Variants in TRDN observed in about 807,000 individuals in gnomAD.
TRDN encodes triadin.
A neutral mutation model predicts 149.7 loss-of-function variants in TRDN; 161 were observed. The ratio of observed to expected loss-of-function variants is 1.08; its 90% CI spans 0.95 to 1.23. TRDN has a LOEUF of 1.23. Among genes scored for constraint, TRDN ranks in the 50% most tolerant of loss-of-function variants. TRDN has a pLI of 0.00. For missense variants in TRDN, 896 were observed against 823.5 expected (o/e 1.09, Z -1.08); for synonymous variants, 294 against 250.5 (o/e 1.17, Z -1.64).
At chr6:123,504,376 C>G (rs911686406) in intron 7 of TRDN, among the ~76,000 whole-genome samples, 1 of 151,982 alleles carries the variant, frequency 6.6e-6, no homozygotes, top group Non-Finnish European at 1.5e-5. Context: ...GAAATGCCAA[C>G]AAAGTCTTTT....
intron 10 of TRDN, among the ~76,000 whole-genome samples, chr6:123,456,501 C>T (rs1229304570): frequency 1.3e-5 from 2 of 151,430 alleles, no homozygotes; most frequent in African/African-American, 4.9e-5. Context: ...CAGGGCCTCA[C>T]TTTGTTACCC....
intron 38 of TRDN, among the ~76,000 whole-genome samples, chr6:123,238,390 T>TTA (rs755526551): frequency 6.6e-6 from 1 of 152,138 alleles, no homozygotes; most frequent in African/African-American, 2.4e-5. Flanking sequence ...AGTAGCAATT[T>TTA]TATACTTTGT....
chr6:123,246,629 T>A (rs1298030041), intron 38 of TRDN, among the ~76,000 whole-genome samples: 1 of 151,564 alleles, frequency 6.6e-6, no homozygotes, highest in Non-Finnish European at 1.5e-5. Context: ...CACGAGCAGA[T>A]GGATTCACAG....
intron 12 of TRDN, 50 bp downstream of exon 12, chr6:123,438,013 G>T: frequency 6.8e-7 from 1 of 1,478,748 alleles, no homozygotes; most frequent in Non-Finnish European, 9.3e-7. Context: ...CTTTCATGAA[G>T]CAAACATCCT....
chr6:123,267,655 T>C, intron 32 of TRDN, 52 bp downstream of exon 32: 3 of 1,250,700 alleles, frequency 2.4e-6, no homozygotes, highest in Non-Finnish European at 3.3e-6. Context: ...TTTTTGAATA[T>C]AATAAAAATA....
intron 38 of TRDN, among the ~76,000 whole-genome samples, chr6:123,225,885 A>C (rs1392211688): frequency 1.3e-5 from 2 of 151,750 alleles, no homozygotes; most frequent in Non-Finnish European, 2.9e-5. Context: ...ATGATGCTTT[A>C]ATTTTTAACA....
intron 1 of TRDN, among the ~76,000 whole-genome samples, chr6:123,634,035 CT>C (rs1230627753): frequency 6.6e-6 from 1 of 151,964 alleles, no homozygotes; most frequent in Non-Finnish European, 1.5e-5. Flanking sequence ...GTGCCACAAA[CT>C]GTTTTGTGTG....
At chr6:123,515,719 T>C (rs900139072) in intron 6 of TRDN, among the ~76,000 whole-genome samples, 3 of 152,036 alleles carry the variant, frequency 2.0e-5, no homozygotes, top group African/African-American at 4.8e-5. Context: ...TCTTTATGTG[T>C]TGAGCAATTA....
chr6:123,582,140 A>G (rs944497640), intron 1 of TRDN, among the ~76,000 whole-genome samples: 1 of 152,198 alleles, frequency 6.6e-6, no homozygotes, highest in Non-Finnish European at 1.5e-5. Flanking sequence ...TACCCTATAC[A>G]TTGGTTCAGT....
chr6:123,224,280 C>T, intron 38 of TRDN, 149 bp from the exon 39 acceptor site: 1 of 663,598 alleles, frequency 1.5e-6, no homozygotes, highest in Non-Finnish European at 2.6e-6. Context: ...AGCTGTCTGA[C>T]CAAAACAGGC....
chr6:123,339,564 A>G (rs1779994618), intron 21 of TRDN, among the ~76,000 whole-genome samples: 1 of 152,202 alleles, frequency 6.6e-6, no homozygotes. Flanking sequence ...CTGCAAAGCA[A>G]CCTACAGTAT....
At chr6:123,445,933 A>C (rs1277063450) in intron 10 of TRDN, among the ~76,000 whole-genome samples, 2 of 140,948 alleles carry the variant, frequency 1.4e-5, no homozygotes, top group Admixed American at 1.4e-4. Flanking sequence ...AGACACATGC[A>C]CACGTATGTT....
At chr6:123,408,711 C>A (rs1435241375) in intron 12 of TRDN, among the ~76,000 whole-genome samples, 1 of 151,146 alleles carries the variant, frequency 6.6e-6, no homozygotes, top group African/African-American at 2.4e-5. Flanking sequence ...TGGCAACATA[C>A]GTATATAAAT....
chr6:123,313,001 T>C (rs1340560966), intron 24 of TRDN, among the ~76,000 whole-genome samples: 1 of 152,060 alleles, frequency 6.6e-6, no homozygotes, highest in African/African-American at 2.4e-5. Flanking sequence ...TGCTGATTTA[T>C]CTTTCATAAT....
At chr6:123,582,863 T>TAG (rs144294178) in intron 1 of TRDN, among the ~76,000 whole-genome samples, 7 of 151,618 alleles carry the variant, frequency 4.6e-5, no homozygotes, top group African/African-American at 1.5e-4. Flanking sequence ...TGAGTGGGAT[T>TAG]GGGGGGGCGT....
chr6:123,395,030 A>C (rs945998685), intron 12 of TRDN, among the ~76,000 whole-genome samples: 2 of 152,190 alleles, frequency 1.3e-5, no homozygotes, highest in African/African-American at 4.8e-5. Flanking sequence ...CAAAAATTTC[A>C]ACAAATGAGC....
At position 123,366,142 on chromosome 6, in the gene TRDN, A is replaced by G. The variant is rs1432979700; in HGVS notation, c.1314T>C (p.Ile438=). 1 of 1,612,230 alleles carries G rather than the reference A, an allele frequency of 6.2e-7. No individual in the cohort carries two copies. The highest frequency in any genetic ancestry group is 2.2e-5 in the East Asian group (1 of 44,772). ...RAKEEIGAVS[I]KKAVPGKKEE... is the part of the protein sequence containing the mutation. ...TCTTTAAGCTGCATTTACCTTTTTTAATTGAAACCGCACCAATCTCCTCTT... is the reference window on the plus strand; with the variant it reads ...TCTTTAAGCTGCATTTACCTTTTTTGATTGAAACCGCACCAATCTCCTCTT... The change falls in exon 20 of 41, where the codon ATT becomes ATC. Residue 438 remains isoleucine, a synonymous_variant. Coordinates refer to ENST00000334268, the MANE Select transcript of TRDN (RefSeq NM_006073.4).
At chr6:123,362,746 T>C (rs921957866) in intron 20 of TRDN, among the ~76,000 whole-genome samples, 8 of 152,160 alleles carry the variant, frequency 5.3e-5, no homozygotes, top group African/African-American at 1.7e-4. Flanking sequence ...AAACTTTCAT[T>C]GACAGTAAAA....
chr6:123,301,373 A>T (rs539150772), intron 24 of TRDN, among the ~76,000 whole-genome samples: 1 of 152,062 alleles, frequency 6.6e-6, no homozygotes, highest in Non-Finnish European at 1.5e-5. Flanking sequence ...CAAGTTGGCC[A>T]TGTGAGTAAG....
Sources: allele counts gnomAD v4.1 joint callset (sites outside exome capture counted in the v4.1 genomes callset), GRCh38; gene constraint gnomAD v4.1.1; transcripts MANE v1.5; gene names NCBI Gene and HGNC (gene_info 2026-07-23, HGNC 2026-07-21).